Variants in PTPRD observed in about 807,000 individuals in gnomAD.
PTPRD encodes protein tyrosine phosphatase receptor type D.
Under a neutral mutation model 214.5 loss-of-function variants are expected in PTPRD, and 34 were observed. The ratio of observed to expected loss-of-function variants is 0.16; its 90% CI spans 0.12 to 0.21. PTPRD has a LOEUF of 0.21. Among genes scored for constraint, PTPRD ranks in the 10% least tolerant of loss-of-function variants. The probability of loss-of-function intolerance (pLI) is 1.00; values close to 1 mark genes in which losing one functional copy is unlikely to be tolerated. For missense variants in PTPRD, 2,545 were observed against 2,398.7 expected (o/e 1.06, Z -1.27); for synonymous variants, 1,128 against 845.7 (o/e 1.33, Z -5.79).
intron 3 of PTPRD, among the ~76,000 whole-genome samples, chr9:10,208,876 A>C (rs1340794354): frequency 6.6e-6 from 1 of 152,214 alleles, no homozygotes; most frequent in Non-Finnish European, 1.5e-5. Flanking sequence ...ACCAGCTGTG[A>C]AGAATTTAGA....
intron 11 of PTPRD, among the ~76,000 whole-genome samples, chr9:8,944,905 T>C (rs10977383): frequency 0.14 from 20,728 of 151,928 alleles, 1,569 homozygotes; most frequent in South Asian, 0.23. Flanking sequence ...TATAATACAA[T>C]TGGAATGTTC....
At chr9:8,598,744 T>G (rs955841440) in intron 14 of PTPRD, among the ~76,000 whole-genome samples, 1 of 152,146 alleles carries the variant, frequency 6.6e-6, no homozygotes, top group Non-Finnish European at 1.5e-5. Context: ...GAAGAGCCAT[T>G]TGTAAAGGAA....
intron 5 of PTPRD, among the ~76,000 whole-genome samples, chr9:9,816,161 G>T (rs1483292921): frequency 6.6e-6 from 1 of 151,922 alleles, no homozygotes; most frequent in Non-Finnish European, 1.5e-5. Context: ...AATAAAGCTG[G>T]AAAACAAAAT....
intron 4 of PTPRD, among the ~76,000 whole-genome samples, chr9:9,971,926 G>A (rs958231624): frequency 3.3e-5 from 5 of 151,772 alleles, no homozygotes; most frequent in Admixed American, 1.3e-4. Context: ...AACATTGCTG[G>A]TAACATATTA....
intron 2 of PTPRD, among the ~76,000 whole-genome samples, chr9:10,464,384 G>C (rs1031593068): frequency 2.0e-5 from 3 of 149,196 alleles, no homozygotes; most frequent in Non-Finnish European, 4.4e-5. Flanking sequence ...CAAAGAAAGA[G>C]AGAAAGAGAG....
chr9:8,437,092 T>C lies in PTPRD; in HGVS notation c.3989-403A>G, dbSNP rs2095381782. On this transcript the variant is annotated intron_variant, in intron 34 of 45. Transcript: ENST00000381196. ...ATGGAAATTGTGTGGAATTAAATGG[T>C]GTAAAGTGAAATAAGAAAACAGACA... is the stretch of plus-strand genomic sequence containing the variant. 3 of 768,718 alleles carry C rather than the reference T, an allele frequency of 3.9e-6. 1 individual carries two copies. The highest frequency in any genetic ancestry group is 2.1e-6 in the Non-Finnish European group (1 of 486,648). The allele number at this position is 768,718 out of a possible 1,614,324, so 47.6% of individuals were successfully genotyped here.
intron 2 of PTPRD, among the ~76,000 whole-genome samples, chr9:10,409,868 T>C (rs975472911): frequency 5.9e-5 from 9 of 151,702 alleles, no homozygotes; most frequent in Non-Finnish European, 8.8e-5. Context: ...TGAGCCATCT[T>C]GGAAGCAGAT....
chr9:10,310,183 T>G (rs2096229609), intron 3 of PTPRD, among the ~76,000 whole-genome samples: 1 of 152,072 alleles, frequency 6.6e-6, no homozygotes, highest in East Asian at 1.9e-4. Context: ...TGTCCAACTC[T>G]TCTCATTTGT....
At chr9:8,338,325 A>AGAT (rs952934103) in intron 43 of PTPRD, among the ~76,000 whole-genome samples, 29 of 152,124 alleles carry the variant, frequency 1.9e-4, no homozygotes, top group Non-Finnish European at 4.0e-4. Flanking sequence ...TCAACAATCC[A>AGAT]GATAAGAAAT....
chr9:9,943,516 T>C (rs2092000401), intron 4 of PTPRD, among the ~76,000 whole-genome samples: 2 of 152,174 alleles, frequency 1.3e-5, no homozygotes, highest in Non-Finnish European at 2.9e-5. Flanking sequence ...ATTACTGTCT[T>C]CATGGAACAT....
chr9:9,493,201 T>A (rs988460710), intron 8 of PTPRD, among the ~76,000 whole-genome samples: 4 of 152,018 alleles, frequency 2.6e-5, no homozygotes, highest in African/African-American at 9.7e-5. Flanking sequence ...CCCTTAAGAA[T>A]AATGCTTAAG....
intron 3 of PTPRD, among the ~76,000 whole-genome samples, chr9:10,170,026 G>A (rs1037857211): frequency 6.6e-6 from 1 of 152,170 alleles, no homozygotes; most frequent in African/African-American, 2.4e-5. Flanking sequence ...AAATGCAAGT[G>A]AGACATTCTT....
chr9:9,440,326 T>C (rs2087047508), intron 8 of PTPRD, among the ~76,000 whole-genome samples: 1 of 152,232 alleles, frequency 6.6e-6, no homozygotes, highest in Non-Finnish European at 1.5e-5. Context: ...GTCCATTTGC[T>C]TTGTCGTGGT....
At chr9:9,699,604 G>A (rs2097452003) in intron 7 of PTPRD, among the ~76,000 whole-genome samples, 2 of 152,116 alleles carry the variant, frequency 1.3e-5, no homozygotes, top group African/African-American at 4.8e-5. Flanking sequence ...TCCCATTTCG[G>A]AAAATGCTCA....
rs186400504 is a variant in PTPRD at position 9,468,759 on chromosome 9, G to C, written c.-236-71277C>G. On this transcript the variant is annotated intron_variant, in intron 8 of 45. Coordinates refer to ENST00000381196, the MANE Select transcript of PTPRD (RefSeq NM_002839.4). ...TTTCACATATATTGAAAAATGGTTT[G>C]GTTATATTTCTGAAATTAAATTATA... Among the ~76,000 whole-genome samples, 18 of 152,028 alleles carry C rather than the reference G, an allele frequency of 1.2e-4. No homozygotes were observed. The East Asian group carries it at 3.3e-3, about 28-fold the overall frequency.
At chr9:8,389,113 A>G in intron 37 of PTPRD, 119 bp downstream of exon 37, 1 of 768,576 alleles carries the variant, frequency 1.3e-6, no homozygotes, top group Non-Finnish European at 2.0e-6. Flanking sequence ...ATTCATAATT[A>G]GTATCTGTTA....
At chr9:8,824,779 G>A (rs1324675988) in intron 11 of PTPRD, among the ~76,000 whole-genome samples, 3 of 152,054 alleles carry the variant, frequency 2.0e-5, no homozygotes, top group African/African-American at 7.2e-5. Flanking sequence ...TCACTGGTTG[G>A]TTCACAGGAA....
chr9:8,498,462 G>C (rs2097325191), intron 25 of PTPRD, among the ~76,000 whole-genome samples: 1 of 152,026 alleles, frequency 6.6e-6, no homozygotes, highest in Non-Finnish European at 1.5e-5. Context: ...ATTTTTAGTA[G>C]AGATGGGGTT....
chr9:9,702,009 C>G (rs376050203), intron 7 of PTPRD, among the ~76,000 whole-genome samples: 3 of 151,912 alleles, frequency 2.0e-5, no homozygotes, highest in South Asian at 4.2e-4. Flanking sequence ...TTCCCCACTA[C>G]TAGGGGTAGC....
Sources: gnomAD v4.1 joint callset for allele counts (sites outside exome capture counted in the v4.1 genomes callset) on GRCh38, gnomAD v4.1.1 for gene constraint, MANE v1.5 for transcripts, NCBI Gene and HGNC (gene_info 2026-07-23, HGNC 2026-07-21) for gene names.